The following DCAF6 variants were observed in gnomAD, a reference collection of about 807,000 sequenced individuals.
DCAF6 encodes the protein DDB1 and CUL4 associated factor 6.
A neutral mutation model predicts 125.1 loss-of-function variants in DCAF6; 54 were observed. The observed-to-expected ratio is 0.43, with a 90% confidence interval of 0.35 to 0.54. The LOEUF (loss-of-function observed/expected upper bound fraction) is 0.54. DCAF6 is among the 20% of genes least tolerant of loss of function. The pLI is 0.01. For missense variants in DCAF6, 934 were observed against 1,161.7 expected, an observed-to-expected ratio of 0.80 and a Z score of 2.85; for synonymous variants, 371 against 390.4, an observed-to-expected ratio of 0.95 and a Z score of 0.58.
intron 2 of DCAF6, among the ~76,000 whole-genome samples, chr1:167,960,219 A>G (rs1571674713): frequency 1.3e-5 from 2 of 151,894 alleles, no homozygotes; most frequent in East Asian, 3.9e-4. Context: ...CTGTTTAGTT[A>G]TCTGTTTGTC....
chr1:167,956,555 C>A (rs1277723997), intron 2 of DCAF6, among the ~76,000 whole-genome samples: 1 of 151,970 alleles, frequency 6.6e-6, no homozygotes, highest in Non-Finnish European at 1.5e-5. Flanking sequence ...TTTTCTATTT[C>A]ATTGATTTCT....
chr1:167,936,778 C>T lies in DCAF6; in HGVS notation c.-134C>T. On this transcript the variant is annotated 5_prime_UTR_variant, in exon 1 of 22. Transcript: ENST00000367840. ...GCCCAGGCGCCGCTGCTGCCACCGCCATCTAACGCTGCGCCCTGGAGGCCC... is the reference window on the plus strand; with the variant it reads ...GCCCAGGCGCCGCTGCTGCCACCGCTATCTAACGCTGCGCCCTGGAGGCCC... The T allele has an allele frequency of 1.3e-6, 1 of 749,352 alleles. No individual in the cohort carries two copies. The highest frequency in any genetic ancestry group is 2.2e-6 in the Non-Finnish European group (1 of 458,790). 46.4% of individuals were successfully genotyped at this position (749,352 alleles called of 1,614,324 possible).
chr1:168,015,748 G>C, intron 10 of DCAF6, 33 bp from the exon 11 acceptor site: 9 of 1,397,520 alleles, frequency 6.4e-6, no homozygotes, highest in Non-Finnish European at 7.5e-6. Context: ...TTTTATTACT[G>C]TCTTTTCACC....
upstream of DCAF6, chr1:167,935,637 T>C: frequency 2.1e-6 from 2 of 961,416 alleles, no homozygotes; most frequent in South Asian, 2.9e-5. Context: ...GGGCTGTGGA[T>C]GCCTCTAGAG....
chr1:167,989,421 A>G (rs1680512359), intron 5 of DCAF6, among the ~76,000 whole-genome samples: 1 of 152,226 alleles, frequency 6.6e-6, no homozygotes, highest in South Asian at 2.1e-4. Context: ...CTTTATGTAT[A>G]AAAGTGAAAT....
chr1:167,936,081 C>A, upstream of DCAF6: 2 of 563,324 alleles, frequency 3.6e-6, no homozygotes, highest in South Asian at 2.1e-5. Flanking sequence ...CTCCGGCCCC[C>A]GGCAGGAGAG....
intron 12 of DCAF6, among the ~76,000 whole-genome samples, chr1:168,025,860 C>T (rs1007947711): frequency 2.6e-5 from 4 of 152,126 alleles, no homozygotes; most frequent in Non-Finnish European, 4.4e-5. Flanking sequence ...AACCCAAATC[C>T]ATACCTTGGC....
At chr1:167,961,520 C>T (rs566231353) in intron 2 of DCAF6, among the ~76,000 whole-genome samples, 3 of 151,794 alleles carry the variant, frequency 2.0e-5, no homozygotes, top group South Asian at 4.2e-4. Context: ...GGATTACAGG[C>T]GTGAGCCACT....
intron 11 of DCAF6, among the ~76,000 whole-genome samples, chr1:168,022,661 A>G (rs192228123): frequency 0.016 from 2,290 of 146,330 alleles, 177 homozygotes; most frequent in Admixed American, 0.12. Flanking sequence ...GAGAAGGGCA[A>G]GGAGTCTTGT....
At chr1:167,954,057 A>G (rs1232711506) in intron 2 of DCAF6, among the ~76,000 whole-genome samples, 1 of 151,822 alleles carries the variant, frequency 6.6e-6, no homozygotes, top group African/African-American at 2.4e-5. Flanking sequence ...TCCAGGCTGG[A>G]GTGGAGTGGC....
the DCAF6 span, among the ~76,000 whole-genome samples, chr1:167,871,791 T>C: frequency 6.6e-6 from 1 of 152,254 alleles, no homozygotes; most frequent in East Asian, 1.9e-4. Flanking sequence ...TGAGAACTAC[T>C]TAGCAGACTG....
Position 168,055,331 on chromosome 1 carries a change from GTTTTTTTTTT to G in DCAF6, c.2300+4418_2300+4427del, listed in dbSNP as rs554861802. Among the ~76,000 whole-genome samples the G allele has an allele frequency of 1.5e-3, 46 of 31,630 alleles. 11 individuals carry two copies. The highest frequency in any genetic ancestry group is 5.5e-3 in the East Asian group (6 of 1,100). The allele number at this position is 31,630 out of a possible 152,430, so 20.8% of individuals were successfully genotyped here. ...TTGAATTGAAAAAAATCAGGCTTAAGTTTTTTTTTTTTTTTTTTTTTTTTTTTTTAACGAA... is the reference window on the plus strand; with the variant it reads ...TTGAATTGAAAAAAATCAGGCTTAAGTTTTTTTTTTTTTTTTTTTAACGAA... On this transcript the variant is annotated intron_variant, in intron 17 of 21. Coordinates refer to ENST00000367840, the MANE Select transcript of DCAF6 (RefSeq NM_001198956.2).
the DCAF6 span, chr1:167,899,415 A>G: frequency 2.5e-6 from 4 of 1,613,964 alleles, no homozygotes; most frequent in South Asian, 4.4e-5. Flanking sequence ...TAGCAGCATC[A>G]CACCCACCTT....
intron 12 of DCAF6, among the ~76,000 whole-genome samples, chr1:168,030,104 T>G (rs1161641833): frequency 6.6e-6 from 1 of 151,982 alleles, no homozygotes; most frequent in East Asian, 1.9e-4. Flanking sequence ...CTTTGCCTGA[T>G]CTAACAGTAA....
the DCAF6 span, among the ~76,000 whole-genome samples, chr1:167,926,649 G>A: frequency 1.3e-5 from 2 of 152,160 alleles, no homozygotes; most frequent in African/African-American, 4.8e-5. Flanking sequence ...TGCTGCTGCC[G>A]TCTAGTGGGT....
chr1:168,057,650 T>C (rs1204533857), intron 17 of DCAF6, among the ~76,000 whole-genome samples: 1 of 152,200 alleles, frequency 6.6e-6, no homozygotes, highest in Non-Finnish European at 1.5e-5. Flanking sequence ...ACACAACGCC[T>C]ACCCTCCTTG....
intron 4 of DCAF6, among the ~76,000 whole-genome samples, chr1:167,982,066 C>T (rs1379345809): frequency 6.6e-6 from 1 of 152,172 alleles, no homozygotes; most frequent in Non-Finnish European, 1.5e-5. Context: ...AATAGCCATT[C>T]TCACTCATAT....
At chr1:168,060,587 A>G (rs1368918681) in intron 17 of DCAF6, among the ~76,000 whole-genome samples, 1 of 152,156 alleles carries the variant, frequency 6.6e-6, no homozygotes, top group Non-Finnish European at 1.5e-5. Context: ...TTTTGTCCAT[A>G]CATCTTGTTT....
intron 7 of DCAF6, among the ~76,000 whole-genome samples, chr1:168,001,991 A>G (rs1682709677): frequency 6.6e-6 from 1 of 152,196 alleles, no homozygotes; most frequent in East Asian, 1.9e-4. Flanking sequence ...GAGGCAAGTC[A>G]TAAAGGGTCG....
Sources: allele counts gnomAD v4.1 joint callset (sites outside exome capture counted in the v4.1 genomes callset), GRCh38; gene constraint gnomAD v4.1.1; transcripts MANE v1.5; gene names NCBI Gene and HGNC (gene_info 2026-07-23, HGNC 2026-07-21).